The following CELF2 variants were observed in gnomAD, a reference collection of about 807,000 sequenced individuals.
CELF2 encodes CUGBP Elav-like family member 2, also known as CUG triplet repeat RNA-binding protein 2.
In CELF2, 8 loss-of-function variants were observed where a neutral mutation model predicts 62.6. The observed-to-expected ratio is 0.13, with a 90% CI of 0.07 to 0.23. CELF2 has a LOEUF of 0.23. CELF2 is among the 10% of genes least tolerant of loss of function. The pLI is 1.00. For synonymous variants in CELF2, 258 were observed against 250.0 expected, an observed-to-expected ratio of 1.03 and a Z score of -0.30; for missense variants, 333 against 671.0, an observed-to-expected ratio of 0.50 and a Z score of 5.56.
At chr10:10,735,449 G>A in the CELF2 span, among the ~76,000 whole-genome samples, 28 of 152,214 alleles carry the variant, frequency 1.8e-4, no homozygotes, top group Admixed American at 1.3e-3. Flanking sequence ...ATTAATTTTA[G>A]CACCTCAGAG....
chr10:10,772,673 T>C, the CELF2 span, among the ~76,000 whole-genome samples: 1 of 152,230 alleles, frequency 6.6e-6, no homozygotes, highest in South Asian at 2.1e-4. Flanking sequence ...CATTGCTTCT[T>C]ATTCCTCCTT....
chr10:10,798,742 C>T (rs562768493), exon 1 of CELF2: 86 of 398,808 alleles, frequency 2.2e-4, no homozygotes, highest in South Asian at 1.8e-3. Flanking sequence ...TCTCCGGACT[C>T]GCCCTCAGCC....
chr10:10,587,190 G>A, the CELF2 span, among the ~76,000 whole-genome samples: 1 of 152,192 alleles, frequency 6.6e-6, no homozygotes, highest in African/African-American at 2.4e-5. Context: ...GAAGGAGAAA[G>A]CAACAGACCA....
intron 1 of CELF2, among the ~76,000 whole-genome samples, chr10:10,809,899 T>C (rs2055664563): frequency 6.6e-6 from 1 of 152,190 alleles, no homozygotes; most frequent in South Asian, 2.1e-4. Flanking sequence ...TATTTAATGT[T>C]GACAACTCTG....
At chr10:10,919,417 A>G (rs2064669504) in intron 1 of CELF2, among the ~76,000 whole-genome samples, 2 of 152,226 alleles carry the variant, frequency 1.3e-5, no homozygotes, top group Non-Finnish European at 2.9e-5. Flanking sequence ...TTATCATAGT[A>G]TCTACCTTCA....
the CELF2 span, among the ~76,000 whole-genome samples, chr10:10,730,140 T>C: frequency 6.6e-6 from 1 of 151,584 alleles, no homozygotes; most frequent in African/African-American, 2.4e-5. Context: ...AATCCTCTAA[T>C]TTTTTTTTCC....
At chr10:11,212,297 C>T (rs546089562) in intron 2 of CELF2, among the ~76,000 whole-genome samples, 127 of 152,288 alleles carry the variant, frequency 8.3e-4, no homozygotes, top group African/African-American at 3.0e-3. Context: ...CCAGGATCTT[C>T]TTGCTGCTTC....
chr10:11,005,955 C>T lies in CELF2; in HGVS notation c.53+515C>T, dbSNP rs1222659621. Among the ~76,000 whole-genome samples the T allele has an allele frequency of 6.6e-6, 1 of 152,116 alleles. No individual in the cohort carries two copies. The highest frequency in any genetic ancestry group is 1.9e-4 in the East Asian group (1 of 5,192). ...TATCCTGTTTGCCAAAATGTGTACC[C>T]GTTTGGAGACCTCTTTCATGCATGG... is the stretch of plus-strand genomic sequence containing the variant. On this transcript the variant is annotated intron_variant, in intron 1 of 12. Transcript: ENST00000416382. The surrounding 1 kb of genome is among the most constrained non-coding windows in gnomAD (Gnocchi z 4.3).
Position 10,872,831 on chromosome 10 carries a change from G to A in CELF2, c.54-47133G>A, listed in dbSNP as rs139753727. The stretch of plus-strand genomic sequence containing the variant: ...AACCTGTAAAATCATGTGGTTTATG[G>A]AGCAATGTTTTGTGCCTTGAATTCC... On this transcript the variant is annotated intron_variant, in intron 1 of 13. Coordinates refer to the CELF2 transcript ENST00000636488. 8.5e-5 allele frequency among the ~76,000 whole-genome samples: 13 copies of A among 152,264 alleles called. No homozygotes were observed. The East Asian group carries it at 2.1e-3, about 25-fold the overall frequency.
intron 1 of CELF2, among the ~76,000 whole-genome samples, chr10:10,853,837 G>A (rs139279687): frequency 7.2e-5 from 11 of 152,192 alleles, no homozygotes; most frequent in African/African-American, 2.4e-4. Context: ...CTAGAAAGGG[G>A]CAGAGGATGC....
rs2060350453 is a variant in CELF2 at position 11,135,853 on chromosome 10, CG to C, written c.75-29631del. ...CTGTAAATAATGTGTATGGCCTGGG[CG>C]GTGGTGGGGAAGGGTACAGATTCTA... is the stretch of plus-strand genomic sequence containing the variant. On this transcript the variant is annotated intron_variant, in intron 1 of 12. Coordinates refer to ENST00000633077, the MANE Select transcript of CELF2 (RefSeq NM_001326342.2). Among the ~76,000 whole-genome samples the C allele has an allele frequency of 3.9e-5, 6 of 152,234 alleles. No individual in the cohort carries two copies. In the East Asian group the frequency reaches 1.2e-3, roughly 29 times the overall value.
At chr10:11,256,554 G>A (rs1412233487) in intron 4 of CELF2, among the ~76,000 whole-genome samples, 3 of 150,476 alleles carry the variant, frequency 2.0e-5, no homozygotes, top group Admixed American at 2.0e-4. Flanking sequence ...TCTTCAGTCT[G>A]GCTGCAGCTG....
the CELF2 span, among the ~76,000 whole-genome samples, chr10:10,743,916 AGC>A: frequency 6.6e-6 from 1 of 152,226 alleles, no homozygotes; most frequent in Non-Finnish European, 1.5e-5. Context: ...GTAGTCCAGC[AGC>A]AGCCATGCTC....
At chr10:10,861,761 C>T (rs1235924934) in intron 1 of CELF2, among the ~76,000 whole-genome samples, 6 of 152,020 alleles carry the variant, frequency 3.9e-5, no homozygotes, top group African/African-American at 1.2e-4. Flanking sequence ...TTCTGATTCC[C>T]CTAGATGATA....
chr10:10,903,388 T>C (rs912069), intron 1 of CELF2, among the ~76,000 whole-genome samples: 40,171 of 152,060 alleles, frequency 0.26, 6,028 homozygotes, highest in East Asian at 0.66. Flanking sequence ...ACATACCTCC[T>C]TTCTACTTAC....
At chr10:10,558,808 T>A in the CELF2 span, among the ~76,000 whole-genome samples, 1 of 152,210 alleles carries the variant, frequency 6.6e-6, no homozygotes, top group Non-Finnish European at 1.5e-5. Flanking sequence ...TTCTAGATTT[T>A]CTAGTTATTT....
At chr10:10,611,454 C>T in the CELF2 span, among the ~76,000 whole-genome samples, 13 of 152,274 alleles carry the variant, frequency 8.5e-5, no homozygotes, top group African/African-American at 3.1e-4. Context: ...ATGTGGCCTC[C>T]TTTTTGCATT....
the CELF2 span, among the ~76,000 whole-genome samples, chr10:10,594,236 T>C: frequency 1.3e-5 from 2 of 152,226 alleles, no homozygotes. Context: ...CCAGATTTTC[T>C]AGCTTAGGTG....
chr10:11,174,645 C>T (rs2070331363), intron 2 of CELF2, among the ~76,000 whole-genome samples: 1 of 152,182 alleles, frequency 6.6e-6, no homozygotes, highest in Non-Finnish European at 1.5e-5. Flanking sequence ...ACTGACCCAC[C>T]ATCTGATCAT....
Sources: allele counts gnomAD v4.1 joint callset (sites outside exome capture counted in the v4.1 genomes callset), GRCh38; gene constraint gnomAD v4.1.1; non-coding constraint Gnocchi (gnomAD v3.1); transcripts MANE v1.5; gene names NCBI Gene and HGNC (gene_info 2026-07-23, HGNC 2026-07-21).